The following ZSCAN5A variants were observed in gnomAD, a reference collection of about 807,000 sequenced individuals.
ZSCAN5A encodes zinc finger and SCAN domain containing 5A, also known as zinc finger and SCAN domain-containing protein 5A.
In ZSCAN5A, 12 loss-of-function variants were observed where a neutral mutation model predicts 23.7. The observed-to-expected ratio is 0.51, with a 90% confidence interval of 0.32 to 0.82. The LOEUF (loss-of-function observed/expected upper bound fraction) is 0.82. Ranked by LOEUF, ZSCAN5A falls within the 40% of genes least tolerant of loss-of-function variation. The pLI is 0.03. For synonymous variants in ZSCAN5A, 257 were observed against 239.9 expected, an observed-to-expected ratio of 1.07 and a Z score of -0.66; for missense variants, 597 against 617.9, an observed-to-expected ratio of 0.97 and a Z score of 0.36.
At chr19:56,225,753 AC>A (rs972347039) in intron 2 of ZSCAN5A, among the ~76,000 whole-genome samples, 3 of 152,148 alleles carry the variant, frequency 2.0e-5, no homozygotes, top group African/African-American at 7.2e-5. Context: ...ATTTTATGGG[AC>A]TAAGACATGC....
intron 2 of ZSCAN5A, among the ~76,000 whole-genome samples, chr19:56,237,912 G>A (rs535567449): frequency 7.3e-5 from 7 of 96,356 alleles, no homozygotes; most frequent in Non-Finnish European, 1.3e-4. Context: ...GTGAGGTTCT[G>A]TCTCAAAAAT....
chr19:56,300,823 T>C (rs2040176539), intron 2 of ZSCAN5A, among the ~76,000 whole-genome samples: 1 of 152,152 alleles, frequency 6.6e-6, no homozygotes, highest in South Asian at 2.1e-4. Context: ...TGAGATTTTC[T>C]GAATGTAATA....
At chr19:56,320,809 AC>A in intron 2 of ZSCAN5A, 1 of 800,106 alleles carries the variant, frequency 1.2e-6, no homozygotes, top group Admixed American at 1.7e-5. Flanking sequence ...AAGCCTTATC[AC>A]CATAGGTGGC....
chr19:56,228,810 T>C (rs1055425337), intron 2 of ZSCAN5A, among the ~76,000 whole-genome samples: 7 of 152,176 alleles, frequency 4.6e-5, no homozygotes, highest in Non-Finnish European at 8.8e-5. Context: ...TGGTGATAAT[T>C]TTTTATTTTT....
chr19:56,240,023 G>T (rs574291403), intron 2 of ZSCAN5A, among the ~76,000 whole-genome samples: 3 of 152,140 alleles, frequency 2.0e-5, no homozygotes, highest in Admixed American at 2.0e-4. Context: ...TTAGCCAGGC[G>T]TGGTGGCGGG....
intron 2 of ZSCAN5A, chr19:56,321,784 T>G: frequency 8.3e-7 from 1 of 1,202,714 alleles, no homozygotes; most frequent in Non-Finnish European, 1.2e-6. Flanking sequence ...ACAGCTTGAT[T>G]CCTACCCAGT....
Position 56,222,729 on chromosome 19 carries a change from G to GA in ZSCAN5A, c.600dup (p.Leu201SerfsTer7). 1 of 1,614,168 alleles carries GA rather than the reference G, an allele frequency of 6.2e-7. No homozygotes were observed. Among genetic ancestry groups the GA allele is most frequent in the Non-Finnish European group, 8.5e-7 (1 of 1,180,034 alleles). On this transcript the variant is annotated frameshift_variant, in exon 5 of 6. Transcript: ENST00000683990. LOFTEE classifies it high-confidence loss of function. ...GTTACGTCAATACTCTTGTGTAGCA[G>GA]AAAGTCCTCTCCCTGAAGAGGAAAA...
At chr19:56,300,973 A>G (rs1369808516) in intron 2 of ZSCAN5A, among the ~76,000 whole-genome samples, 1 of 152,122 alleles carries the variant, frequency 6.6e-6, no homozygotes, top group African/African-American at 2.4e-5. Flanking sequence ...TGGGAGATGG[A>G]TGAGAAAGAG....
rs59525392 is a variant in ZSCAN5A, at chr19:56,231,996, C to CTTTTTTTTTTTTTTT, written c.-127-6824_-127-6823insAAAAAAAAAAAAAAA. Among the ~76,000 whole-genome samples the CTTTTTTTTTTTTTTT allele has an allele frequency of 8.5e-4, 106 of 124,948 alleles. 5 individuals carry two copies. Among genetic ancestry groups the CTTTTTTTTTTTTTTT allele is most frequent in the East Asian group, 1.4e-3 (6 of 4,360 alleles). 82.0% of individuals were successfully genotyped at this position (124,948 alleles called of 152,430 possible). A position where few individuals can be genotyped will look rare whatever the true frequency, so the allele number is the denominator to read the frequency against. On this transcript the variant is annotated intron_variant, in intron 2 of 5. Transcript: ENST00000683990. ...TCTTTTTTCTTTCTTTTTTTCTTTT[C>CTTTTTTTTTTTTTTT]TTTTTTTTTGAGACAGTGTCTTGCT...
intron 2 of ZSCAN5A, among the ~76,000 whole-genome samples, chr19:56,337,631 C>T (rs1172898769): frequency 6.6e-6 from 1 of 152,218 alleles, no homozygotes; most frequent in Non-Finnish European, 1.5e-5. Flanking sequence ...GTGAGATGAA[C>T]CCAGTACCTC....
At chr19:56,362,338 G>A (rs930523513) in intron 2 of ZSCAN5A, among the ~76,000 whole-genome samples, 3 of 152,106 alleles carry the variant, frequency 2.0e-5, no homozygotes, top group Admixed American at 6.6e-5. Context: ...AGGCCAAGGT[G>A]GGCAGATCAC....
chr19:56,244,290 T>A (rs781589237), intron 2 of ZSCAN5A: 8 of 1,610,394 alleles, frequency 5.0e-6, no homozygotes, highest in Non-Finnish European at 6.8e-6. Context: ...AAAGAGCAGA[T>A]CCTGGACATG....
At chr19:56,344,400 T>C (rs978018193) in intron 2 of ZSCAN5A, among the ~76,000 whole-genome samples, 1 of 152,380 alleles carries the variant, frequency 6.6e-6, no homozygotes, top group South Asian at 2.1e-4. Flanking sequence ...GCTGTGTTTA[T>C]GCTTTTGCAA....
intron 2 of ZSCAN5A, chr19:56,322,445 G>A (rs2041386422): frequency 1.8e-6 from 1 of 569,504 alleles, no homozygotes; most frequent in Non-Finnish European, 3.1e-6. Context: ...CACCATCAGA[G>A]CTCAGAGCCC....
intron 2 of ZSCAN5A, chr19:56,263,169 G>C (rs910471839): frequency 3.0e-4 from 45 of 152,100 alleles, no homozygotes; most frequent in African/African-American, 1.1e-3. Context: ...CAAGAAGATT[G>C]CCCACATACT....
intron 2 of ZSCAN5A, among the ~76,000 whole-genome samples, chr19:56,339,958 C>G (rs879670896): frequency 6.6e-6 from 1 of 152,256 alleles, no homozygotes; most frequent in African/African-American, 2.4e-5. Flanking sequence ...CCTGCCCACA[C>G]TGACCCTTCC....
chr19:56,293,332 C>T (rs916501746), intron 2 of ZSCAN5A, among the ~76,000 whole-genome samples: 3 of 152,128 alleles, frequency 2.0e-5, no homozygotes, highest in Admixed American at 1.3e-4. Context: ...CAGAGAATAA[C>T]TTAAGCCCAG....
intron 2 of ZSCAN5A, chr19:56,321,578 T>C (rs1489054298): frequency 1.3e-6 from 1 of 777,116 alleles, no homozygotes; most frequent in Middle Eastern, 2.3e-4. Flanking sequence ...CTCCCTGTCA[T>C]TGACTGTGGC....
upstream of ZSCAN5A, among the ~76,000 whole-genome samples, chr19:56,318,357 T>A (rs996518735): frequency 3.9e-5 from 6 of 152,146 alleles, no homozygotes; most frequent in African/African-American, 1.4e-4. Context: ...ATTCTCTATA[T>A]CAAAAGTAAT....
Sources: allele counts gnomAD v4.1 joint callset (sites outside exome capture counted in the v4.1 genomes callset), GRCh38; gene constraint gnomAD v4.1.1; transcripts MANE v1.5; gene names NCBI Gene and HGNC (gene_info 2026-07-23, HGNC 2026-07-21).